ZBTB37: variants seen among roughly 807,000 people sequenced by gnomAD.
ZBTB37 encodes zinc finger and BTB domain-containing protein 37.
Under a neutral mutation model 37.7 loss-of-function variants are expected in ZBTB37, and 15 were observed. That is an observed-to-expected ratio of 0.40 (90% CI 0.27 to 0.61). ZBTB37 has a LOEUF of 0.61. Among genes scored for constraint, ZBTB37 ranks in the 20% least tolerant of loss-of-function variants. The pLI, the probability that ZBTB37 is intolerant of heterozygous loss-of-function variation, is 0.44. For synonymous variants in ZBTB37, 231 were observed against 220.6 expected (o/e 1.05, Z -0.42); for missense variants, 514 against 641.9 (o/e 0.80, Z 2.15).
chr1:173,881,658 G>C (rs1195293313), intron 4 of ZBTB37, among the ~76,000 whole-genome samples: 1 of 152,212 alleles, frequency 6.6e-6, no homozygotes, highest in Non-Finnish European at 1.5e-5. Flanking sequence ...TAACTGGTGT[G>C]AGATGGTATC....
intron 3 of ZBTB37, among the ~76,000 whole-genome samples, chr1:173,872,419 T>G (rs1042003642): frequency 6.6e-6 from 1 of 151,544 alleles, no homozygotes; most frequent in Non-Finnish European, 1.5e-5. Context: ...GTTGCCCAGG[T>G]TAGAGTGCAG....
intron 4 of ZBTB37, among the ~76,000 whole-genome samples, chr1:173,877,776 A>G (rs1384016261): frequency 6.6e-6 from 1 of 152,202 alleles, no homozygotes; most frequent in African/African-American, 2.4e-5. Flanking sequence ...TAATATGGTA[A>G]GTCTACTCAC....
At chr1:173,895,543 T>C (rs1172964258) in exon 4 of ZBTB37, 1 of 152,236 alleles carries the variant, frequency 6.6e-6, no homozygotes, top group Admixed American at 6.5e-5. Context: ...ATTGGGTGGC[T>C]ACATGGATCA....
At chr1:173,885,654 A>T (rs1334860835) in exon 5 of ZBTB37, 1 of 1,551,634 alleles carries the variant, frequency 6.4e-7, no homozygotes, top group African/African-American at 1.4e-5. Context: ...GTCAGCAATG[A>T]TGGGAGTAAG....
exon 3 of ZBTB37, chr1:173,870,683 A>G (rs752532239): frequency 6.2e-7 from 1 of 1,614,192 alleles, no homozygotes; most frequent in Admixed American, 1.7e-5. Context: ...CCAGAGTCTC[A>G]CAGGGTTACA....
chr1:173,880,596 C>A (rs1222453305), intron 4 of ZBTB37, among the ~76,000 whole-genome samples: 4 of 152,214 alleles, frequency 2.6e-5, no homozygotes, highest in African/African-American at 7.2e-5. Context: ...CCTGTGCTTA[C>A]AACAGAGTTT....
chr1:173,878,258 C>T (rs917171181), intron 4 of ZBTB37, among the ~76,000 whole-genome samples: 2 of 152,164 alleles, frequency 1.3e-5, no homozygotes, highest in Non-Finnish European at 2.9e-5. Context: ...TCTCTAGACT[C>T]AATATATGTT....
exon 4 of ZBTB37, chr1:173,900,553 C>G (rs568871937): frequency 1.1e-4 from 16 of 152,332 alleles, no homozygotes; most frequent in African/African-American, 3.1e-4. Flanking sequence ...GTAGCAGGCT[C>G]TCTTCTGAGA....
exon 4 of ZBTB37, chr1:173,902,321 CAAG>C (rs1657294126): frequency 6.6e-6 from 1 of 152,276 alleles, no homozygotes; most frequent in East Asian, 1.9e-4. Context: ...ACTTGCTAAT[CAAG>C]GAGGATTCAT....
exon 4 of ZBTB37, chr1:173,893,815 G>C (rs1656944024): frequency 6.6e-6 from 1 of 152,196 alleles, no homozygotes; most frequent in African/African-American, 2.4e-5. Context: ...ACTGACTCAG[G>C]CTAACACTAG....
At chr1:173,886,772 T>G (rs1656643531), downstream of ZBTB37, 1 of 152,598 alleles carries the variant, frequency 6.6e-6, no homozygotes, top group Admixed American at 6.5e-5. Flanking sequence ...CAACATCACC[T>G]GAAGCACTTG....
At chr1:173,897,032 CTG>C (rs761856066) in exon 4 of ZBTB37, 1 of 152,124 alleles carries the variant, frequency 6.6e-6, no homozygotes, top group Admixed American at 6.6e-5. Context: ...TTTAAAAAGT[CTG>C]TTTTCTTTTT....
intron 4 of ZBTB37, among the ~76,000 whole-genome samples, chr1:173,884,197 C>T (rs1369152913): frequency 6.7e-6 from 1 of 150,106 alleles, no homozygotes; most frequent in South Asian, 2.1e-4. Context: ...TGTCACCCAG[C>T]CTGGAGTGCA....
downstream of ZBTB37, chr1:173,888,246 TTAGGGAAACAACTGGTAATAAGG>T (rs1168410562): frequency 6.6e-6 from 1 of 152,160 alleles, no homozygotes; most frequent in Non-Finnish European, 1.5e-5. Flanking sequence ...CCAAAAATCC[TTAGGGAAACAACTGGTAATAAGG>T]TTTTCAGTGG....
At chr1:173,899,275 T>G (rs374471795) in exon 4 of ZBTB37, 1 of 152,186 alleles carries the variant, frequency 6.6e-6, no homozygotes, top group South Asian at 2.1e-4. Context: ...AATTCCTGCT[T>G]AGGAAAATTT....
chr1:173,873,021 A>G (rs1655676583), intron 3 of ZBTB37, among the ~76,000 whole-genome samples: 3 of 151,930 alleles, frequency 2.0e-5, no homozygotes, highest in Admixed American at 2.0e-4. Context: ...AAAAAAAAAA[A>G]GTAATATCAA....
At position 173,875,337 on chromosome 1, in the gene ZBTB37, T is replaced by A. The variant is rs1484645399; in HGVS notation, c.1023+1771T>A. Among the ~76,000 whole-genome samples the A allele has an allele frequency of 6.3e-3, 945 of 150,070 alleles. 14 individuals are homozygous for A. Among genetic ancestry groups the A allele is most frequent in the African/African-American group, 0.021 (866 of 40,938 alleles). ...GTGTGCATATATATATATATTTTTT[T>A]TTTTTTTTGAGGCAGTCTTGCTCTG... On this transcript the variant is annotated intron_variant, in intron 4 of 4. Coordinates refer to ENST00000427304, the Ensembl canonical transcript of ZBTB37.
chr1:173,875,114 TTATGTGTGTG>T (rs1157282793), intron 4 of ZBTB37, among the ~76,000 whole-genome samples: 16 of 93,444 alleles, frequency 1.7e-4, no homozygotes, highest in East Asian at 1.3e-3. Context: ...AGTCTGATTA[TTATGTGTGTG>T]TGTGTGTGTG....
At chr1:173,884,325 T>C (rs1656502313) in intron 4 of ZBTB37, among the ~76,000 whole-genome samples, 1 of 151,960 alleles carries the variant, frequency 6.6e-6, no homozygotes, top group Non-Finnish European at 1.5e-5. Flanking sequence ...GCTAATTTTT[T>C]ATTGTTATTT....
Sources: allele counts gnomAD v4.1 joint callset (sites outside exome capture counted in the v4.1 genomes callset), GRCh38; gene constraint gnomAD v4.1.1; transcripts MANE v1.5; gene names NCBI Gene and HGNC (gene_info 2026-07-23, HGNC 2026-07-21).